The following KLRG1 variants were observed in gnomAD, a reference collection of about 807,000 sequenced individuals.
KLRG1 encodes the protein killer cell lectin like receptor G1.
KLRG1 carries 16 observed loss-of-function variants against 21.8 expected under a neutral mutation model. The ratio of observed to expected loss-of-function variants is 0.73; its 90% confidence interval spans 0.50 to 1.11. The LOEUF is 1.11. Ranked by LOEUF, KLRG1 falls within the 50% of genes most tolerant of loss-of-function variation. The probability of loss-of-function intolerance (pLI) is 0.00; values close to 1 mark genes in which losing one functional copy is unlikely to be tolerated. For missense variants in KLRG1, 173 were observed against 218.3 expected (o/e 0.79, Z 1.31); for synonymous variants, 69 against 75.9 (o/e 0.91, Z 0.47).
At chr12:9,107,663 C>G in the KLRG1 span, 18 of 1,612,226 alleles carry the variant, frequency 1.1e-5, no homozygotes, top group African/African-American at 5.3e-5. Context: ...AGAACATTCC[C>G]AAAGGAATCA....
the KLRG1 span, chr12:9,158,539 G>C: frequency 6.2e-7 from 1 of 1,614,114 alleles, no homozygotes; most frequent in Non-Finnish European, 8.5e-7. Context: ...ATGTAGGATC[G>C]AGCCTGGGCG....
At chr12:9,031,133 A>G in the KLRG1 span, among the ~76,000 whole-genome samples, 6 of 152,006 alleles carry the variant, frequency 3.9e-5, no homozygotes, top group Non-Finnish European at 7.4e-5. Flanking sequence ...CCCCTCAGGC[A>G]CTCCTGTGAG....
At chr12:9,202,978 T>C in the KLRG1 span, among the ~76,000 whole-genome samples, 1 of 152,174 alleles carries the variant, frequency 6.6e-6, no homozygotes, top group African/African-American at 2.4e-5. Context: ...GAAACATCTC[T>C]GAAAAAATAT....
At chr12:9,163,751 A>G in the KLRG1 span, 1 of 1,613,828 alleles carries the variant, frequency 6.2e-7, no homozygotes, top group Non-Finnish European at 8.5e-7. Flanking sequence ...AGTTCTAAGG[A>G]CTGCATTGCC....
At chr12:9,183,313 G>A in the KLRG1 span, among the ~76,000 whole-genome samples, 1 of 152,168 alleles carries the variant, frequency 6.6e-6, no homozygotes, top group South Asian at 2.1e-4. Context: ...GTAAGTAGGT[G>A]AGATGATGGC....
the KLRG1 span, among the ~76,000 whole-genome samples, chr12:9,174,050 C>A: frequency 1.3e-5 from 2 of 152,198 alleles, no homozygotes; most frequent in African/African-American, 4.8e-5. Context: ...GCGAATATCC[C>A]TGATGAACAT....
chr12:9,010,816 A>G (rs1007437567), downstream of KLRG1: 1 of 152,222 alleles, frequency 6.6e-6, no homozygotes, highest in African/African-American at 2.4e-5. Context: ...GAAGATGAGA[A>G]AAACAGTATA....
chr12:9,076,986 A>T, the KLRG1 span: 1 of 1,487,334 alleles, frequency 6.7e-7, no homozygotes, highest in Non-Finnish European at 9.0e-7. Context: ...CAGGCATATT[A>T]GCATTCCCAG....
At chr12:9,051,675 C>T in the KLRG1 span, among the ~76,000 whole-genome samples, 1 of 152,192 alleles carries the variant, frequency 6.6e-6, no homozygotes, top group Non-Finnish European at 1.5e-5. Flanking sequence ...CCCCTAAGAC[C>T]ATTACTTATA....
the KLRG1 span, among the ~76,000 whole-genome samples, chr12:9,138,610 T>G: frequency 6.6e-6 from 1 of 152,046 alleles, no homozygotes; most frequent in African/African-American, 2.4e-5. Context: ...AGAATCTACC[T>G]GTGAAGCTAT....
the KLRG1 span, among the ~76,000 whole-genome samples, chr12:9,108,342 G>A: frequency 7.2e-5 from 11 of 152,168 alleles, no homozygotes; most frequent in East Asian, 2.1e-3. Context: ...TAGCCAGGAT[G>A]GTCTTGATCT....
intron 1 of KLRG1, among the ~76,000 whole-genome samples, chr12:8,979,261 A>C (rs867320687): frequency 5.9e-5 from 9 of 152,016 alleles, no homozygotes; most frequent in African/African-American, 2.2e-4. Flanking sequence ...CAGGTGATCC[A>C]TCTGCCTCAG....
At chr12:9,084,008 GA>G in the KLRG1 span, among the ~76,000 whole-genome samples, 2 of 152,154 alleles carry the variant, frequency 1.3e-5, no homozygotes, top group Non-Finnish European at 1.5e-5. Flanking sequence ...CCGGCAGGCT[GA>G]GGGAGAGTGG....
the KLRG1 span, chr12:9,106,417 A>T: frequency 7.0e-7 from 1 of 1,430,836 alleles, no homozygotes; most frequent in South Asian, 1.2e-5. Context: ...CCTCCCCCCA[A>T]CTTACAATTC....
chr12:9,083,614 C>T, the KLRG1 span, among the ~76,000 whole-genome samples: 4 of 150,670 alleles, frequency 2.7e-5, no homozygotes, highest in African/African-American at 9.8e-5. Flanking sequence ...AGCAGAAAGA[C>T]AAAAGAATGA....
the KLRG1 span, among the ~76,000 whole-genome samples, chr12:9,047,523 CA>C: frequency 6.6e-6 from 1 of 151,918 alleles, no homozygotes; most frequent in Non-Finnish European, 1.5e-5. Context: ...GAATAAAAAA[CA>C]ATTAAAATAA....
the KLRG1 span, among the ~76,000 whole-genome samples, chr12:9,141,731 CA>C: frequency 2.0e-5 from 3 of 152,162 alleles, no homozygotes; most frequent in Admixed American, 1.3e-4. Context: ...ACTGTTTTTT[CA>C]ATAGTCTTAA....
the KLRG1 span, chr12:9,099,368 C>T: frequency 6.4e-7 from 1 of 1,552,196 alleles, no homozygotes; most frequent in Admixed American, 2.0e-5. Context: ...ATTTTATGAT[C>T]TAAAACACAC....
chr12:8,989,792 T>C lies in KLRG1; in HGVS notation c.82+75T>C, dbSNP rs1946914666. The stretch of plus-strand genomic sequence containing the variant: ...ATGGATGAATGGGGAGTAGAATAAG[T>C]TTAAAGCAGAGGGTGCAGAAGAATT... On this transcript the variant is annotated intron_variant, in intron 1 of 4. Transcript: ENST00000356986. The C allele has an allele frequency of 3.6e-6, 3 of 825,986 alleles. No individual in the cohort carries two copies. The Admixed American group carries it at 6.6e-5, about 18-fold the overall frequency. 51.2% of individuals were successfully genotyped at this position (825,986 alleles called of 1,614,324 possible). A position where few individuals can be genotyped will look rare whatever the true frequency, so the allele number is the denominator to read the frequency against.
Sources: allele counts gnomAD v4.1 joint callset (sites outside exome capture counted in the v4.1 genomes callset), GRCh38; gene constraint gnomAD v4.1.1; transcripts MANE v1.5; gene names NCBI Gene and HGNC (gene_info 2026-07-23, HGNC 2026-07-21).